CDKAL1: variants seen among roughly 807,000 people sequenced by gnomAD.
CDKAL1 encodes the protein CDKAL1 threonylcarbamoyladenosine tRNA methylthiotransferase.
In CDKAL1, 32 loss-of-function variants were observed where a neutral mutation model predicts 68.2. That is an observed-to-expected ratio of 0.47 (90% CI 0.35 to 0.63). The LOEUF is 0.63. Among genes scored for constraint, CDKAL1 ranks in the 30% least tolerant of loss-of-function variants. The pLI is 0.00. For missense variants in CDKAL1, 606 were observed against 696.7 expected, an observed-to-expected ratio of 0.87 and a Z score of 1.47; for synonymous variants, 234 against 244.3, an observed-to-expected ratio of 0.96 and a Z score of 0.39.
intron 8 of CDKAL1, among the ~76,000 whole-genome samples, chr6:20,822,401 T>G (rs1777322891): frequency 6.6e-6 from 1 of 152,080 alleles, no homozygotes; most frequent in Admixed American, 6.6e-5. Context: ...ACTGAATATT[T>G]TAGGTCATCA....
intron 8 of CDKAL1, among the ~76,000 whole-genome samples, chr6:20,789,848 G>A (rs1442355536): frequency 6.6e-6 from 1 of 152,200 alleles, no homozygotes; most frequent in Non-Finnish European, 1.5e-5. Context: ...TTACAGTTGA[G>A]AAAGCTCATT....
rs550934592 is a variant in CDKAL1 at position 20,915,310 on chromosome 6, C to A, written c.743-40109C>A. 6.6e-5 allele frequency among the ~76,000 whole-genome samples: 10 copies of A among 152,048 alleles called. No homozygotes were observed. The South Asian group carries it at 8.3e-4, about 13-fold the overall frequency. On this transcript the variant is annotated intron_variant, in intron 9 of 15. Transcript: ENST00000274695. ...ACCACAGTTGTTTACACACACACAC[C>A]CCCACACACACAGATTTTAAGAAAT...
chr6:20,663,033 G>C (rs1314957782), intron 5 of CDKAL1, among the ~76,000 whole-genome samples: 2 of 152,086 alleles, frequency 1.3e-5, no homozygotes, highest in African/African-American at 4.8e-5. Context: ...GGTGTCAAAT[G>C]GTTATTGCTC....
chr6:20,883,813 GA>G (rs1760938689), intron 9 of CDKAL1, among the ~76,000 whole-genome samples: 3 of 152,168 alleles, frequency 2.0e-5, no homozygotes, highest in Non-Finnish European at 4.4e-5. Context: ...ATGACAGGAG[GA>G]AACCTTTTGA....
intron 8 of CDKAL1, among the ~76,000 whole-genome samples, chr6:20,792,603 T>C (rs1393318623): frequency 6.6e-6 from 1 of 152,214 alleles, no homozygotes; most frequent in Non-Finnish European, 1.5e-5. Context: ...TATATAAGTT[T>C]ATGAGAACAA....
intron 13 of CDKAL1, among the ~76,000 whole-genome samples, chr6:21,141,325 C>T (rs1011963937): frequency 2.0e-5 from 3 of 152,208 alleles, no homozygotes; most frequent in African/African-American, 7.2e-5. Flanking sequence ...GGCACCTCCA[C>T]GAAGCCTTTG....
intron 13 of CDKAL1, among the ~76,000 whole-genome samples, chr6:21,159,101 C>CTTT (rs10645059): frequency 0.011 from 1,498 of 135,712 alleles, 10 homozygotes; most frequent in African/African-American, 0.029. Context: ...CTGAAACCTC[C>CTTT]TTTTTTTTTT....
intron 13 of CDKAL1, among the ~76,000 whole-genome samples, chr6:21,190,748 A>G (rs1220655303): frequency 6.6e-6 from 1 of 152,228 alleles, no homozygotes; most frequent in Non-Finnish European, 1.5e-5. Flanking sequence ...GAAACAAAAT[A>G]GTTTCTTTCT....
chr6:20,714,965 A>G (rs937967602), intron 5 of CDKAL1, among the ~76,000 whole-genome samples: 2 of 152,214 alleles, frequency 1.3e-5, no homozygotes, highest in Non-Finnish European at 2.9e-5. Flanking sequence ...TAAATTTAAG[A>G]TACGTGATCA....
At chr6:20,716,248 G>A (rs1343330858) in intron 5 of CDKAL1, among the ~76,000 whole-genome samples, 1 of 152,162 alleles carries the variant, frequency 6.6e-6, no homozygotes, top group Non-Finnish European at 1.5e-5. Context: ...TAATAAGCAT[G>A]CAGCATAAAG....
At chr6:20,948,439 T>C (rs1764363812) in intron 9 of CDKAL1, among the ~76,000 whole-genome samples, 1 of 152,232 alleles carries the variant, frequency 6.6e-6, no homozygotes, top group Non-Finnish European at 1.5e-5. Flanking sequence ...TGAAAAATCC[T>C]TTGCTTTTTT....
intron 10 of CDKAL1, among the ~76,000 whole-genome samples, chr6:20,978,681 A>G (rs1016053512): frequency 4.6e-5 from 7 of 152,220 alleles, no homozygotes; most frequent in African/African-American, 7.2e-5. Context: ...GATGAAATAC[A>G]GTATATTTTC....
chr6:21,062,409 C>A (rs1392589773), intron 11 of CDKAL1, among the ~76,000 whole-genome samples: 1 of 152,080 alleles, frequency 6.6e-6, no homozygotes, highest in Non-Finnish European at 1.5e-5. Flanking sequence ...CTTTAGTCTA[C>A]AAAAATGGTC....
At chr6:20,699,892 T>A (rs114158228) in intron 5 of CDKAL1, among the ~76,000 whole-genome samples, 64 of 152,344 alleles carry the variant, frequency 4.2e-4, no homozygotes, top group African/African-American at 1.4e-3. Flanking sequence ...CCCAAATTGT[T>A]GACTAAATTG....
chr6:21,017,628 C>A (rs914601229), intron 11 of CDKAL1, among the ~76,000 whole-genome samples: 1 of 152,154 alleles, frequency 6.6e-6, no homozygotes, highest in Non-Finnish European at 1.5e-5. Flanking sequence ...AGTAAATAGA[C>A]TCAAAATACG....
rs777506511 is a variant in CDKAL1 at position 21,176,682 on chromosome 6, G to GTTTTT, written c.1300-21330_1300-21326dup. On this transcript the variant is annotated intron_variant, in intron 13 of 15. Coordinates refer to ENST00000274695, the MANE Select transcript of CDKAL1 (RefSeq NM_017774.3). ...GAATGTCTTCATGGGCTGGATGTTG[G>GTTTTT]TTTTTTTTTTTTTGTTTTTTTTTTT... Among the ~76,000 whole-genome samples, 339 of 119,820 alleles carry GTTTTT rather than the reference G, an allele frequency of 2.8e-3. 36 individuals are homozygous for GTTTTT. The highest frequency in any genetic ancestry group is 8.8e-3 in the African/African-American group (266 of 30,178). The allele number at this position is 119,820 out of a possible 152,430, so 78.6% of individuals were successfully genotyped here.
chr6:20,998,483 A>G (rs1017295679), intron 10 of CDKAL1, among the ~76,000 whole-genome samples: 7 of 152,180 alleles, frequency 4.6e-5, no homozygotes, highest in African/African-American at 1.7e-4. Context: ...GTGGTGGCAC[A>G]TGCCTGTAAT....
intron 8 of CDKAL1, among the ~76,000 whole-genome samples, chr6:20,831,607 C>T (rs1045863391): frequency 5.3e-5 from 8 of 152,018 alleles, no homozygotes; most frequent in African/African-American, 1.9e-4. Context: ...TTTTTTGGTG[C>T]AAGTTTGGCT....
intron 5 of CDKAL1, among the ~76,000 whole-genome samples, chr6:20,719,784 A>T (rs935479705): frequency 3.3e-5 from 5 of 152,176 alleles, no homozygotes; most frequent in African/African-American, 9.7e-5. Context: ...TATGTTCCCC[A>T]TGAAACTCAC....
Sources: gnomAD v4.1 joint callset for allele counts (sites outside exome capture counted in the v4.1 genomes callset) on GRCh38, gnomAD v4.1.1 for gene constraint, MANE v1.5 for transcripts, NCBI Gene and HGNC (gene_info 2026-07-23, HGNC 2026-07-21) for gene names.